Variants in GATAD2A observed in about 807,000 individuals in gnomAD.
The protein encoded by GATAD2A is GATA zinc finger domain containing 2A, also known as transcriptional repressor p66-alpha.
Under a neutral mutation model 68.5 loss-of-function variants are expected in GATAD2A, and 12 were observed. The observed-to-expected ratio is 0.18, with a 90% CI of 0.11 to 0.28. The LOEUF (loss-of-function observed/expected upper bound fraction) is 0.28. Among genes scored for constraint, GATAD2A ranks in the 10% least tolerant of loss-of-function variants. The pLI, the probability that GATAD2A is intolerant of heterozygous loss-of-function variation, is 1.00. For synonymous variants in GATAD2A, 410 were observed against 375.3 expected, an observed-to-expected ratio of 1.09 and a Z score of -1.07; for missense variants, 755 against 868.5, an observed-to-expected ratio of 0.87 and a Z score of 1.64.
intron 1 of GATAD2A, among the ~76,000 whole-genome samples, chr19:19,412,920 T>C (rs1456864744): frequency 6.6e-6 from 1 of 152,212 alleles, no homozygotes; most frequent in Non-Finnish European, 1.5e-5. Flanking sequence ...TTATCAGAGG[T>C]AACCCCATTG....
chr19:19,482,817 G>A (rs987448607), intron 2 of GATAD2A, among the ~76,000 whole-genome samples: 4 of 152,152 alleles, frequency 2.6e-5, no homozygotes, highest in Admixed American at 6.5e-5. Flanking sequence ...TAAGCAGAAC[G>A]TGCTGGATTT....
chr19:19,490,675 A>T (rs943679239), intron 2 of GATAD2A, among the ~76,000 whole-genome samples: 3 of 152,110 alleles, frequency 2.0e-5, no homozygotes, highest in African/African-American at 7.2e-5. Flanking sequence ...TGAGGTCAGG[A>T]GTTCAAGACC....
intron 1 of GATAD2A, among the ~76,000 whole-genome samples, chr19:19,453,809 GC>G (rs1200681466): frequency 6.6e-6 from 1 of 151,098 alleles, no homozygotes. Flanking sequence ...GATTACAGGT[GC>G]CCGCCACCAC....
chr19:19,498,735 G>A lies in GATAD2A; in HGVS notation c.1204+13G>A. 1.3e-6 allele frequency: 2 copies of A among 1,594,528 alleles called. No homozygotes were observed. The highest frequency in any genetic ancestry group is 1.7e-6 in the Non-Finnish European group (2 of 1,166,938). The stretch of plus-strand genomic sequence containing the variant: ...CTGGAGACACAAGGTGAGTGGCCTG[G>A]ACCCAGCCGGGCTGCTTCCGCCTCT... On this transcript the variant is annotated intron_variant, in intron 8 of 11. Coordinates refer to ENST00000683918, the MANE Select transcript of GATAD2A (RefSeq NM_001384528.1).
At chr19:19,432,965 A>G (rs905836080) in intron 1 of GATAD2A, among the ~76,000 whole-genome samples, 2 of 152,216 alleles carry the variant, frequency 1.3e-5, no homozygotes, top group African/African-American at 4.8e-5. Context: ...TGGGCTCCAG[A>G]TATATTTAAT....
chr19:19,487,053 G>C (rs948472990), intron 2 of GATAD2A, among the ~76,000 whole-genome samples: 1 of 152,224 alleles, frequency 6.6e-6, no homozygotes, highest in African/African-American at 2.4e-5. Flanking sequence ...CTCCACAGGA[G>C]CATGCGGGCT....
At chr19:19,387,864 G>A (rs2048554639) in intron 1 of GATAD2A, among the ~76,000 whole-genome samples, 1 of 152,116 alleles carries the variant, frequency 6.6e-6, no homozygotes, top group Non-Finnish European at 1.5e-5. Flanking sequence ...CATCTCTGAA[G>A]TGTGTCTCCC....
intron 1 of GATAD2A, among the ~76,000 whole-genome samples, chr19:19,448,581 C>T (rs369943283): frequency 4.0e-4 from 61 of 152,270 alleles, no homozygotes; most frequent in African/African-American, 1.3e-3. Context: ...CTCCGCCTGC[C>T]GGGTTCAAGC....
At chr19:19,422,785 C>T (rs1170088666) in intron 1 of GATAD2A, among the ~76,000 whole-genome samples, 3 of 151,126 alleles carry the variant, frequency 2.0e-5, no homozygotes, top group Admixed American at 6.6e-5. Context: ...GATCTTGGCT[C>T]ACTGCAAGCT....
intron 2 of GATAD2A, among the ~76,000 whole-genome samples, chr19:19,466,166 C>A (rs1298483464): frequency 6.6e-6 from 1 of 152,238 alleles, no homozygotes; most frequent in African/African-American, 2.4e-5. Context: ...CTGATTACTT[C>A]AAGAGTGACT....
intron 2 of GATAD2A, 111 bp downstream of exon 2, chr19:19,465,725 G>C: frequency 1.1e-5 from 14 of 1,279,344 alleles, no homozygotes; most frequent in Non-Finnish European, 1.4e-5. Context: ...GCGGGGTTGT[G>C]GAGAGGGCTG....
rs550882038 is a variant in GATAD2A, at chr19:19,476,673, G to A, written c.269+11059G>A. Among the ~76,000 whole-genome samples, 18 of 152,336 alleles carry A rather than the reference G, an allele frequency of 1.2e-4. No homozygotes were observed. The South Asian group carries it at 2.1e-3, about 18-fold the overall frequency. On this transcript the variant is annotated intron_variant, in intron 2 of 11. Transcript: ENST00000683918. ...CCCTAACCTGGTGAAGGAGTGGAGC[G>A]AAGGGCAGTGGGCGCCAGGCCTTGG...
chr19:19,469,930 G>C (rs1048824568), intron 2 of GATAD2A, among the ~76,000 whole-genome samples: 11 of 149,552 alleles, frequency 7.4e-5, no homozygotes, highest in Non-Finnish European at 1.0e-4. Flanking sequence ...CTGGGTGACA[G>C]AGCTCCGTCT....
chr19:19,419,382 A>G lies in GATAD2A; in HGVS notation c.-7+13363A>G, dbSNP rs182062480. Among the ~76,000 whole-genome samples the G allele has an allele frequency of 2.5e-3, 373 of 151,464 alleles. 1 individual carries two copies. Among genetic ancestry groups the G allele is most frequent in the South Asian group, 9.6e-3 (46 of 4,768 alleles). On this transcript the variant is annotated intron_variant, in intron 1 of 11. Coordinates refer to ENST00000683918, the MANE Select transcript of GATAD2A (RefSeq NM_001384528.1). ...CCAGGTGGCTGTTCCTGCCCATGGA[A>G]CTCTGAGGGTTTCCATGCCTTCTAC...
rs893546983 is a variant in GATAD2A at position 19,502,062 on chromosome 19, G to A, written c.1578+19G>A. ...GCTACAGGTCAGAACCGCACTGGGC[G>A]CCGGGAGCCTCGCGCCCCCACCGCA... is the stretch of plus-strand genomic sequence containing the variant. On this transcript the variant is annotated intron_variant, in intron 10 of 11. Transcript: ENST00000683918. 11 of 1,597,274 alleles carry A rather than the reference G, an allele frequency of 6.9e-6. No individual in the cohort carries two copies. The highest frequency in any genetic ancestry group is 1.7e-4 in the Middle Eastern group (1 of 6,042).
At chr19:19,494,638 T>C (rs2060024106) in intron 5 of GATAD2A, among the ~76,000 whole-genome samples, 1 of 152,220 alleles carries the variant, frequency 6.6e-6, no homozygotes, top group African/African-American at 2.4e-5. Context: ...GGAAGGGGGC[T>C]TTCCAGTGAG....
intron 1 of GATAD2A, among the ~76,000 whole-genome samples, chr19:19,426,997 G>T (rs2053172443): frequency 6.6e-6 from 1 of 152,278 alleles, no homozygotes; most frequent in African/African-American, 2.4e-5. Flanking sequence ...GATGTGTGTG[G>T]CTCTGCCTTG....
intron 2 of GATAD2A, among the ~76,000 whole-genome samples, chr19:19,471,326 A>T (rs1463676773): frequency 6.6e-6 from 1 of 151,978 alleles, no homozygotes; most frequent in Non-Finnish European, 1.5e-5. Context: ...TCTATATACC[A>T]GATTACTGTT....
intron 1 of GATAD2A, among the ~76,000 whole-genome samples, chr19:19,451,790 A>G (rs920239184): frequency 2.0e-5 from 3 of 152,216 alleles, no homozygotes; most frequent in African/African-American, 7.2e-5. Flanking sequence ...GTGGACGCTG[A>G]TTGCTCTTGA....
Sources: gnomAD v4.1 joint callset for allele counts (sites outside exome capture counted in the v4.1 genomes callset) on GRCh38, gnomAD v4.1.1 for gene constraint, MANE v1.5 for transcripts, NCBI Gene and HGNC (gene_info 2026-07-23, HGNC 2026-07-21) for gene names.